SPATA6: variants seen among roughly 807,000 people sequenced by gnomAD.
The protein encoded by SPATA6 is spermatogenesis-associated protein 6.
SPATA6 carries 56 observed loss-of-function variants against 65.3 expected under a neutral mutation model. The ratio of observed to expected loss-of-function variants is 0.86; its 90% CI spans 0.69 to 1.07. SPATA6 has a LOEUF of 1.07. Among genes scored for constraint, SPATA6 ranks in the 50% least tolerant of loss-of-function variants. SPATA6 has a pLI of 0.00. For missense variants in SPATA6, 590 were observed against 594.8 expected, an observed-to-expected ratio of 0.99 and a Z score of 0.08; for synonymous variants, 199 against 213.2, an observed-to-expected ratio of 0.93 and a Z score of 0.58.
chr1:48,466,479 C>T (rs1038832454), intron 1 of SPATA6, among the ~76,000 whole-genome samples: 13 of 151,974 alleles, frequency 8.6e-5, no homozygotes, highest in African/African-American at 3.1e-4. Context: ...TACACTACAA[C>T]TTCAGGATAT....
chr1:48,424,346 T>C (rs1653638689), intron 3 of SPATA6, among the ~76,000 whole-genome samples: 1 of 152,250 alleles, frequency 6.6e-6, no homozygotes, highest in South Asian at 2.1e-4. Context: ...TTTCTTACGG[T>C]TGAATAATAC....
At chr1:48,351,360 G>A (rs1450893874) in intron 11 of SPATA6, among the ~76,000 whole-genome samples, 1 of 151,840 alleles carries the variant, frequency 6.6e-6, no homozygotes, top group Non-Finnish European at 1.5e-5. Flanking sequence ...AAGATTTTCA[G>A]TATGACGCTA....
intron 8 of SPATA6, among the ~76,000 whole-genome samples, chr1:48,388,054 G>C (rs759681046): frequency 6.6e-6 from 1 of 152,040 alleles, no homozygotes; most frequent in Non-Finnish European, 1.5e-5. Context: ...AGCTAAAATT[G>C]CTGCCAGTGC....
intron 11 of SPATA6, among the ~76,000 whole-genome samples, chr1:48,337,072 A>G (rs1024761602): frequency 6.6e-6 from 1 of 151,988 alleles, no homozygotes; most frequent in East Asian, 1.9e-4. Flanking sequence ...GGTCAGCCAA[A>G]ATCTGAGGAG....
At chr1:48,368,478 G>A (rs1647109422) in intron 9 of SPATA6, among the ~76,000 whole-genome samples, 2 of 152,240 alleles carry the variant, frequency 1.3e-5, no homozygotes, top group South Asian at 4.1e-4. Context: ...ACATTTCTTG[G>A]AGACTTTGTT....
At chr1:48,360,466 A>G (rs1055680209) in intron 9 of SPATA6, among the ~76,000 whole-genome samples, 4 of 152,084 alleles carry the variant, frequency 2.6e-5, no homozygotes, top group African/African-American at 9.7e-5. Flanking sequence ...CTCAGTAAAG[A>G]CCGTAAGACC....
chr1:48,409,425 C>A (rs1203553232), intron 5 of SPATA6, among the ~76,000 whole-genome samples: 1 of 152,220 alleles, frequency 6.6e-6, no homozygotes, highest in Non-Finnish European at 1.5e-5. Context: ...TGAGTGTCTG[C>A]AGTTTTTTCC....
chr1:48,355,554 G>A (rs1468557852), intron 11 of SPATA6, 116 bp downstream of exon 11: 1 of 674,208 alleles, frequency 1.5e-6, no homozygotes, highest in Non-Finnish European at 2.4e-6. Context: ...ATCAAATGGA[G>A]CTTGCTTGCT....
At chr1:48,414,107 G>C (rs974967696) in intron 3 of SPATA6, among the ~76,000 whole-genome samples, 36 of 152,260 alleles carry the variant, frequency 2.4e-4, no homozygotes, top group African/African-American at 8.4e-4. Context: ...GTGAAACTTT[G>C]TGTGGGTCGC....
At chr1:48,407,612 A>C (rs1375832778) in intron 5 of SPATA6, among the ~76,000 whole-genome samples, 2 of 152,332 alleles carry the variant, frequency 1.3e-5, no homozygotes, top group Non-Finnish European at 2.9e-5. Flanking sequence ...CATCCCAGGC[A>C]AGAATGTTAA....
intron 7 of SPATA6, among the ~76,000 whole-genome samples, chr1:48,398,725 C>G (rs1038683510): frequency 2.0e-5 from 3 of 151,570 alleles, no homozygotes; most frequent in Admixed American, 6.6e-5. Context: ...ATTATAAACC[C>G]TTAAATTTAG....
intron 3 of SPATA6, chr1:48,436,540 A>G (rs545803323): frequency 1.2e-5 from 19 of 1,612,128 alleles, no homozygotes; most frequent in East Asian, 8.9e-5. Flanking sequence ...CCATATCCTC[A>G]TTTCTGGTGA....
At position 48,359,770 on chromosome 1, in the gene SPATA6, C is replaced by A. The variant is rs147985336; in HGVS notation, c.910G>T (p.Val304Phe). The change falls in exon 10 of 13, where the codon GTT becomes TTT. Residue 304 changes from valine to phenylalanine, a missense_variant and splice_region_variant. Coordinates refer to ENST00000371847, the MANE Select transcript of SPATA6 (RefSeq NM_019073.4). The part of the protein sequence containing the change: ...LGCCRPKDYK[V>F]IRTPHGRDFD... ...TCTCTCCCATGGGGTGTCCTGATAA[C>A]CTGTTTTAAAAATTATATACATATA... 12 of 1,603,460 alleles carry A rather than the reference C, an allele frequency of 7.5e-6. No individual in the cohort carries two copies. In the African/African-American group the frequency reaches 1.3e-4, roughly 18 times the overall value.
At chr1:48,313,391 A>T (rs996794850) in intron 11 of SPATA6, among the ~76,000 whole-genome samples, 1 of 152,196 alleles carries the variant, frequency 6.6e-6, no homozygotes, top group Admixed American at 6.5e-5. Flanking sequence ...GCCAATATTC[A>T]ACATTCTTAA....
chr1:48,409,273 T>C (rs1490292970), intron 5 of SPATA6, among the ~76,000 whole-genome samples: 1 of 152,134 alleles, frequency 6.6e-6, no homozygotes, highest in Admixed American at 6.5e-5. Flanking sequence ...ATCTTAAAGC[T>C]CCAAAATGAT....
intron 3 of SPATA6, among the ~76,000 whole-genome samples, chr1:48,420,841 A>AAT: frequency 6.6e-6 from 1 of 152,344 alleles, no homozygotes; most frequent in Middle Eastern, 3.4e-3. Context: ...TTCACAGCAG[A>AAT]ATACTATTGA....
At chr1:48,279,367 A>G in the SPATA6 span, among the ~76,000 whole-genome samples, 2 of 152,350 alleles carry the variant, frequency 1.3e-5, no homozygotes, top group East Asian at 1.9e-4. Flanking sequence ...AAATGCTCCA[A>G]TTAAAAGACA....
At chr1:48,344,937 C>G (rs1047893052) in intron 11 of SPATA6, among the ~76,000 whole-genome samples, 1 of 152,092 alleles carries the variant, frequency 6.6e-6, no homozygotes, top group African/African-American at 2.4e-5. Flanking sequence ...GAGACTTTGA[C>G]ACCCCACTGA....
chr1:48,407,547 A>C (rs2147964716), intron 5 of SPATA6, among the ~76,000 whole-genome samples: 1 of 152,212 alleles, frequency 6.6e-6, no homozygotes, highest in East Asian at 1.9e-4. Flanking sequence ...TGATTTTTGC[A>C]CTAGCTCCAG....
Sources: gnomAD v4.1 joint callset for allele counts (sites outside exome capture counted in the v4.1 genomes callset) on GRCh38, gnomAD v4.1.1 for gene constraint, MANE v1.5 for transcripts, NCBI Gene and HGNC (gene_info 2026-07-23, HGNC 2026-07-21) for gene names.